The following PDE10A variants were observed in gnomAD, a reference collection of about 807,000 sequenced individuals.
PDE10A encodes phosphodiesterase 10A.
PDE10A carries 39 observed loss-of-function variants against 97.7 expected under a neutral mutation model. The observed-to-expected ratio is 0.40, with a 90% CI of 0.31 to 0.52. The LOEUF (loss-of-function observed/expected upper bound fraction) is 0.52, where lower values mean the gene tolerates loss of function less well. PDE10A is among the 20% of genes least tolerant of loss of function. The pLI is 0.56. For synonymous variants in PDE10A, 371 were observed against 376.8 expected (o/e 0.98, Z 0.18); for missense variants, 731 against 1,047.8 (o/e 0.70, Z 4.17).
rs555736789 is a variant in PDE10A, at chr6:165,931,711, G to T, written c.-615+55818C>A. Among the ~76,000 whole-genome samples the T allele has an allele frequency of 2.6e-3, 397 of 152,282 alleles. 3 individuals are homozygous for T. Among genetic ancestry groups the T allele is most frequent in the Non-Finnish European group, 4.3e-3 (295 of 68,034 alleles). On this transcript the variant is annotated intron_variant, in intron 1 of 19. Transcript: ENST00000366882. The stretch of plus-strand genomic sequence containing the variant: ...AGAAGCCAAGGTCTATGTGGAAAAG[G>T]TTCTACATGAAATGGCTGTATTGTA...
intron 1 of PDE10A, among the ~76,000 whole-genome samples, chr6:165,570,787 GT>G (rs1785013190): frequency 6.6e-6 from 1 of 151,940 alleles, no homozygotes; most frequent in South Asian, 2.1e-4. Flanking sequence ...ATTATTATTA[GT>G]AGCATTATGT....
At chr6:165,638,519 C>T (rs149442812) in intron 1 of PDE10A, among the ~76,000 whole-genome samples, 1 of 152,346 alleles carries the variant, frequency 6.6e-6, no homozygotes, top group Non-Finnish European at 1.5e-5. Context: ...ATACACATTC[C>T]TGTCTTCAGA....
chr6:165,472,429 T>C (rs1779067663), intron 3 of PDE10A, among the ~76,000 whole-genome samples: 1 of 152,150 alleles, frequency 6.6e-6, no homozygotes, highest in South Asian at 2.1e-4. Context: ...AGCTATCTTT[T>C]GTATTATTAA....
chr6:165,916,851 C>T (rs1243389999), intron 1 of PDE10A, among the ~76,000 whole-genome samples: 3 of 152,150 alleles, frequency 2.0e-5, no homozygotes, highest in African/African-American at 7.2e-5. Flanking sequence ...TGAAACACCA[C>T]GCCCTTTGTT....
chr6:165,410,067 T>C (rs969374834), intron 13 of PDE10A, among the ~76,000 whole-genome samples: 1 of 152,124 alleles, frequency 6.6e-6, no homozygotes, highest in African/African-American at 2.4e-5. Flanking sequence ...TTTAAGATGA[T>C]CAATTTCCAT....
intron 3 of PDE10A, among the ~76,000 whole-genome samples, chr6:165,468,283 TTTCACCATGTTGGTCAGGC>T (rs1778782964): frequency 2.0e-5 from 3 of 151,186 alleles, no homozygotes; most frequent in Non-Finnish European, 3.0e-5. Flanking sequence ...AGAGATGGGG[TTTCACCATGTTGGTCAGGC>T]TGGTCTTGAA....
At chr6:165,870,259 A>C (rs918973673) in intron 1 of PDE10A, among the ~76,000 whole-genome samples, 4 of 152,196 alleles carry the variant, frequency 2.6e-5, no homozygotes, top group Non-Finnish European at 5.9e-5. Context: ...ACAGCAAGTA[A>C]AACAAGCAAT....
chr6:165,907,214 G>C (rs1782314123), intron 1 of PDE10A, among the ~76,000 whole-genome samples: 1 of 152,220 alleles, frequency 6.6e-6, no homozygotes, highest in African/African-American at 2.4e-5. Context: ...CCAGAGTCCT[G>C]GTGCAGTGCA....
At chr6:165,476,443 G>C (rs1779304491) in intron 3 of PDE10A, among the ~76,000 whole-genome samples, 1 of 152,092 alleles carries the variant, frequency 6.6e-6, no homozygotes. Context: ...AAACAGTAGA[G>C]AAGTTCAAGT....
intron 1 of PDE10A, among the ~76,000 whole-genome samples, chr6:165,657,180 G>A (rs2128428802): frequency 6.6e-6 from 1 of 152,328 alleles, no homozygotes; most frequent in East Asian, 1.9e-4. Context: ...AGGGAAAGCA[G>A]GCAATAAACT....
intron 1 of PDE10A, among the ~76,000 whole-genome samples, chr6:165,927,681 T>C (rs1412687083): frequency 5.8e-5 from 7 of 120,222 alleles, no homozygotes; most frequent in Non-Finnish European, 1.2e-4. Context: ...TATATATAGT[T>C]TTTTGTTTGT....
At chr6:165,982,340 C>T (rs1785045094) in intron 1 of PDE10A, among the ~76,000 whole-genome samples, 1 of 152,136 alleles carries the variant, frequency 6.6e-6, no homozygotes. Context: ...CCAATTTCAT[C>T]CAAAACAGAA....
rs200377113 is a variant in PDE10A, at chr6:165,655,524, TAC to T, written c.865+6421_865+6422del. Among the ~76,000 whole-genome samples, 355 of 48,904 alleles carry T rather than the reference TAC, an allele frequency of 7.3e-3. 2 individuals carry two copies. The highest frequency in any genetic ancestry group is 0.062 in the Middle Eastern group (4 of 64). 32.1% of individuals were successfully genotyped at this position (48,904 alleles called of 152,430 possible). A position where few individuals can be genotyped will look rare whatever the true frequency, so the allele number is the denominator to read the frequency against. On this transcript the variant is annotated intron_variant, in intron 1 of 21. Transcript: ENST00000539869. The surrounding 1 kb of genome is among the most constrained non-coding windows in gnomAD (Gnocchi z 4.5). Reference sequence around the variant, plus strand: ...ATATCCAACCCACCTGCAGGTCTTATACACGCCACCTCCAAACACCTCCTGAA... The same window carrying T: ...ATATCCAACCCACCTGCAGGTCTTATACGCCACCTCCAAACACCTCCTGAA...
chr6:165,339,497 C>T (rs771686600), intron 19 of PDE10A, 139 bp from the exon 20 acceptor site: 1 of 617,528 alleles, frequency 1.6e-6, no homozygotes, highest in Non-Finnish European at 2.8e-6. Flanking sequence ...AAGAAAAGTA[C>T]ATCAAAATAA....
At chr6:165,578,983 T>C (rs57105633) in intron 1 of PDE10A, among the ~76,000 whole-genome samples, 30,118 of 152,110 alleles carry the variant, frequency 0.2, 3,275 homozygotes, top group African/African-American at 0.28. Flanking sequence ...GACACCCACA[T>C]TGAGCCTTGT....
intron 1 of PDE10A, among the ~76,000 whole-genome samples, chr6:165,693,797 A>G (rs1050013288): frequency 2.0e-5 from 3 of 152,126 alleles, no homozygotes; most frequent in Admixed American, 2.0e-4. Flanking sequence ...TCTGGGGCCA[A>G]TTCATTTCAG....
intron 1 of PDE10A, among the ~76,000 whole-genome samples, chr6:165,816,521 C>A (rs1296985822): frequency 1.3e-5 from 2 of 152,208 alleles, no homozygotes; most frequent in Admixed American, 1.3e-4. Flanking sequence ...GCCATCACCT[C>A]CCCTTACAGC....
chr6:165,516,969 TA>T (rs1444785301), intron 2 of PDE10A, among the ~76,000 whole-genome samples: 7 of 152,104 alleles, frequency 4.6e-5, no homozygotes, highest in Non-Finnish European at 7.4e-5. Flanking sequence ...ATTTTTAACA[TA>T]ATGTGCTAAA....
intron 1 of PDE10A, among the ~76,000 whole-genome samples, chr6:165,800,359 T>C (rs1778950151): frequency 6.6e-6 from 1 of 152,196 alleles, no homozygotes; most frequent in South Asian, 2.1e-4. Flanking sequence ...ATTGGGAATT[T>C]TTATACTGTG....
Sources: allele counts gnomAD v4.1 joint callset (sites outside exome capture counted in the v4.1 genomes callset), GRCh38; gene constraint gnomAD v4.1.1; non-coding constraint Gnocchi (gnomAD v3.1); transcripts MANE v1.5; gene names NCBI Gene and HGNC (gene_info 2026-07-23, HGNC 2026-07-21).